Variants in SMARCA4 observed in about 807,000 individuals in gnomAD.
SMARCA4 encodes the protein SWI/SNF-related matrix-associated actin-dependent regulator of chromatin subfamily A member 4.
Under a neutral mutation model 193.9 loss-of-function variants are expected in SMARCA4, and 31 were observed. The ratio of observed to expected loss-of-function variants is 0.16; its 90% CI spans 0.12 to 0.22. The LOEUF is 0.22. Among genes scored for constraint, SMARCA4 ranks in the 10% least tolerant of loss-of-function variants. The pLI, the probability that SMARCA4 is intolerant of heterozygous loss-of-function variation, is 1.00. For missense variants in SMARCA4, 1,148 were observed against 2,296.0 expected, an observed-to-expected ratio of 0.50 and a Z score of 10.22; for synonymous variants, 942 against 933.1, an observed-to-expected ratio of 1.01 and a Z score of -0.17.
intron 30 of SMARCA4, among the ~76,000 whole-genome samples, chr19:11,043,906 G>A (rs1344792747): frequency 6.6e-6 from 1 of 152,204 alleles, no homozygotes; most frequent in East Asian, 1.9e-4. Context: ...AACCCAGAAG[G>A]CAGAGGGTGC....
intron 1 of SMARCA4, chr19:10,961,780 C>T (rs888252248): frequency 5.9e-5 from 9 of 152,146 alleles, no homozygotes; most frequent in Non-Finnish European, 8.8e-5. Context: ...AATGTTTGCC[C>T]GAATTGGGGT....
intron 1 of SMARCA4, 108 bp downstream of exon 1, chr19:10,961,282 G>T (rs2083775801): frequency 6.7e-6 from 1 of 149,654 alleles, no homozygotes; most frequent in Non-Finnish European, 1.5e-5. Flanking sequence ...CCCTGTGCGG[G>T]GCCGGGGTAC....
intron 30 of SMARCA4, among the ~76,000 whole-genome samples, chr19:11,047,000 T>C (rs1279662724): frequency 1.4e-5 from 2 of 146,826 alleles, no homozygotes; most frequent in African/African-American, 5.0e-5. Context: ...TTAGCAATAA[T>C]TTCAAACATG....
intron 11 of SMARCA4, among the ~76,000 whole-genome samples, chr19:11,000,964 C>G (rs989697450): frequency 6.6e-6 from 1 of 151,936 alleles, no homozygotes; most frequent in African/African-American, 2.4e-5. Context: ...GAACAGGCAC[C>G]GGCACTTGCT....
At chr19:10,965,366 T>C (rs957386688) in intron 1 of SMARCA4, 1 of 152,228 alleles carries the variant, frequency 6.6e-6, no homozygotes, top group African/African-American at 2.4e-5. Flanking sequence ...CTTAGAATGG[T>C]GCCTGGCACA....
intron 1 of SMARCA4, among the ~76,000 whole-genome samples, chr19:10,975,692 C>T (rs899420343): frequency 6.6e-6 from 1 of 152,186 alleles, no homozygotes; most frequent in Non-Finnish European, 1.5e-5. Flanking sequence ...AGGAGCTTCT[C>T]AAGAAATTGA....
At chr19:11,000,655 C>T (rs548373324) in intron 11 of SMARCA4, among the ~76,000 whole-genome samples, 1 of 152,004 alleles carries the variant, frequency 6.6e-6, no homozygotes, top group East Asian at 1.9e-4. Context: ...CCGAGGCAGG[C>T]AGATCATGAG....
At chr19:10,972,693 G>A (rs2084774062) in intron 1 of SMARCA4, among the ~76,000 whole-genome samples, 2 of 152,168 alleles carry the variant, frequency 1.3e-5, no homozygotes, top group African/African-American at 4.8e-5. Flanking sequence ...TCTGTTGTGG[G>A]GACTCCTCTT....
At chr19:11,043,399 G>A (rs559972659) in intron 30 of SMARCA4, among the ~76,000 whole-genome samples, 1 of 152,356 alleles carries the variant, frequency 6.6e-6, no homozygotes, top group South Asian at 2.1e-4. Flanking sequence ...TGTGTTGTCA[G>A]TATTGAGAAA....
At chr19:10,996,733 C>T (rs1226256248) in intron 11 of SMARCA4, among the ~76,000 whole-genome samples, 189 bp downstream of exon 11, 1 of 152,212 alleles carries the variant, frequency 6.6e-6, no homozygotes, top group Non-Finnish European at 1.5e-5. Context: ...TCTTCCAGAC[C>T]TTTTTCTATG....
At position 11,058,119 on chromosome 19, in the gene SMARCA4, A is replaced by AG; in HGVS notation, c.4425-135dup. The stretch of plus-strand genomic sequence containing the variant: ...GAAACTCCGTCTCAAAAAAAAAAAA[A>AG]GCGCATGTGCAAGAAATAGCTCCTG... On this transcript the variant is annotated intron_variant, in intron 30 of 34. Transcript: ENST00000344626. This position sits in a 1 kb window ranked among gnomAD's most constrained non-coding sequence, Gnocchi z 5.8. The AG allele has an allele frequency of 1.5e-6, 1 of 648,026 alleles. No individual in the cohort carries two copies. The highest frequency in any genetic ancestry group is 2.7e-6 in the Non-Finnish European group (1 of 363,824). The allele number at this position is 648,026 out of a possible 1,614,324, so 40.1% of individuals were successfully genotyped here.
chr19:11,061,204 A>ATATATAT (rs1471127800), intron 34 of SMARCA4, among the ~76,000 whole-genome samples: 22 of 45,196 alleles, frequency 4.9e-4, no homozygotes, highest in Admixed American at 6.0e-4. Context: ...AAAAAAAAAA[A>ATATATAT]ATATATATAT....
chr19:11,054,378 G>A (rs958064076), intron 30 of SMARCA4, among the ~76,000 whole-genome samples: 8 of 152,204 alleles, frequency 5.3e-5, no homozygotes, highest in African/African-American at 1.9e-4. Flanking sequence ...AGGAGGCCAG[G>A]CCAGGTTTGG....
chr19:11,026,367 A>G, intron 23 of SMARCA4, 21 bp downstream of exon 23: 2 of 1,607,794 alleles, frequency 1.2e-6, no homozygotes, highest in Non-Finnish European at 1.7e-6. Context: ...TCCCAACTGG[A>G]TGGGGTGGGC....
chr19:10,972,266 T>C (rs118147895), intron 1 of SMARCA4, among the ~76,000 whole-genome samples: 8,189 of 151,974 alleles, frequency 0.054, 290 homozygotes, highest in South Asian at 0.11. Context: ...GTCCTAATTT[T>C]TTTATTATTA....
Position 11,019,336 on chromosome 19 carries a change from G to T in SMARCA4, c.2506-255G>T. On this transcript the variant is annotated intron_variant, in intron 17 of 34. Coordinates refer to ENST00000344626, the MANE Select transcript of SMARCA4 (RefSeq NM_003072.5). The surrounding 1 kb of genome is among the most constrained non-coding windows in gnomAD (Gnocchi z 6.1). ...CAGCCACCAGGAATGTGCAGATGGC[G>T]GTGCAGGCTGCGTGGTTCCCTCAGG... is the stretch of plus-strand genomic sequence containing the variant. 1 of 605,486 alleles carries T rather than the reference G, an allele frequency of 1.7e-6. No individual in the cohort carries two copies. The highest frequency in any genetic ancestry group is 2.9e-6 in the Non-Finnish European group (1 of 339,576). The allele number at this position is 605,486 out of a possible 1,614,324, so 37.5% of individuals were successfully genotyped here. A position where few individuals can be genotyped will look rare whatever the true frequency, so the allele number is the denominator to read the frequency against.
chr19:10,981,017 G>T (rs2085514175), intron 1 of SMARCA4, among the ~76,000 whole-genome samples: 2 of 152,192 alleles, frequency 1.3e-5, no homozygotes, highest in South Asian at 4.1e-4. Context: ...CTCCCAAAGT[G>T]CTGGGATTAC....
At chr19:10,976,611 G>C (rs954532944) in intron 1 of SMARCA4, among the ~76,000 whole-genome samples, 2 of 150,334 alleles carry the variant, frequency 1.3e-5, no homozygotes, top group East Asian at 3.9e-4. Flanking sequence ...ACAAAAATTA[G>C]CTGGGCATAG....
rs564104664 is a variant in SMARCA4, at chr19:11,046,433, A to G, written c.4424+4873A>G. On this transcript the variant is annotated intron_variant, in intron 30 of 34. Coordinates refer to ENST00000344626, the MANE Select transcript of SMARCA4 (RefSeq NM_003072.5). Reference sequence around the variant, plus strand: ...GTGGGGGATTTGATCTGTGTTTTCAATTTAACCTCACATCTTACTGGAATG... The same window carrying G: ...GTGGGGGATTTGATCTGTGTTTTCAGTTTAACCTCACATCTTACTGGAATG... Among the ~76,000 whole-genome samples the G allele has an allele frequency of 1.9e-4, 29 of 152,268 alleles. No homozygotes were observed. In the East Asian group the frequency reaches 5.4e-3, roughly 28 times the overall value.
Sources: gnomAD v4.1 joint callset for allele counts (sites outside exome capture counted in the v4.1 genomes callset) on GRCh38, gnomAD v4.1.1 for gene constraint, Gnocchi (gnomAD v3.1) non-coding constraint, MANE v1.5 for transcripts, NCBI Gene and HGNC (gene_info 2026-07-23, HGNC 2026-07-21) for gene names.